Variants in CDK19 observed in about 807,000 individuals in gnomAD.
CDK19 encodes the protein cyclin-dependent kinase 19.
In CDK19, 20 loss-of-function variants were observed where a neutral mutation model predicts 68.3. That is an observed-to-expected ratio of 0.29 (90% CI 0.21 to 0.43). The LOEUF (loss-of-function observed/expected upper bound fraction) is 0.43. Among genes scored for constraint, CDK19 ranks in the 20% least tolerant of loss-of-function variants. The probability of loss-of-function intolerance (pLI) is 1.00; values close to 1 mark genes in which losing one functional copy is unlikely to be tolerated. For missense variants in CDK19, 339 were observed against 623.5 expected (o/e 0.54, Z 4.86); for synonymous variants, 221 against 222.8 (o/e 0.99, Z 0.07).
intron 4 of CDK19, among the ~76,000 whole-genome samples, chr6:110,639,130 G>A (rs1221390106): frequency 2.6e-5 from 4 of 152,090 alleles, no homozygotes; most frequent in East Asian, 3.8e-4. Context: ...CTAAACTACC[G>A]TAGAAAAACA....
At chr6:110,700,220 T>C (rs898030889) in intron 2 of CDK19, among the ~76,000 whole-genome samples, 1 of 152,154 alleles carries the variant, frequency 6.6e-6, no homozygotes, top group African/African-American at 2.4e-5. Context: ...AAGTTCAGAG[T>C]TCCCACTGAT....
chr6:110,628,670 A>G (rs1008289701), intron 6 of CDK19, among the ~76,000 whole-genome samples: 2 of 152,238 alleles, frequency 1.3e-5, no homozygotes, highest in Admixed American at 6.5e-5. Context: ...CCCAGCAGAT[A>G]AGTGGGGACT....
At chr6:110,643,615 A>C (rs1273555386) in intron 4 of CDK19, among the ~76,000 whole-genome samples, 1 of 152,240 alleles carries the variant, frequency 6.6e-6, no homozygotes. Context: ...ACAACAAAAA[A>C]GTTTTCAGGC....
intron 4 of CDK19, among the ~76,000 whole-genome samples, chr6:110,650,143 T>A (rs977805472): frequency 6.6e-6 from 1 of 152,186 alleles, no homozygotes; most frequent in Non-Finnish European, 1.5e-5. Flanking sequence ...TAAGACTATA[T>A]AGAACAGGAT....
chr6:110,730,152 C>G (rs1323548389), intron 2 of CDK19, among the ~76,000 whole-genome samples: 1 of 152,118 alleles, frequency 6.6e-6, no homozygotes, highest in Non-Finnish European at 1.5e-5. Flanking sequence ...TTATTATACT[C>G]CAATTGGAGA....
At chr6:110,748,074 A>T (rs1421283967) in intron 1 of CDK19, among the ~76,000 whole-genome samples, 1 of 152,172 alleles carries the variant, frequency 6.6e-6, no homozygotes, top group African/African-American at 2.4e-5. Context: ...TTTCTAAAAA[A>T]TTTTTCACAT....
At position 110,752,929 on chromosome 6, in the gene CDK19, ATTTG is replaced by A. The variant is rs199788629; in HGVS notation, c.129-6732_129-6729del. Reference sequence around the variant, plus strand: ...GGGTTTTTTTTGTTTTTGGTTTTTTATTTGTTTGTTTGTTTGTTTAGACAGAGCT... The same window carrying A: ...GGGTTTTTTTTGTTTTTGGTTTTTTATTTGTTTGTTTGTTTAGACAGAGCT... On this transcript the variant is annotated intron_variant, in intron 1 of 12. Transcript: ENST00000368911. 7.3e-5 allele frequency among the ~76,000 whole-genome samples: 11 copies of A among 151,268 alleles called. 1 individual carries two copies. The East Asian group carries it at 9.7e-4, about 13-fold the overall frequency.
At chr6:110,685,063 A>T (rs1772348306) in intron 2 of CDK19, among the ~76,000 whole-genome samples, 1 of 152,098 alleles carries the variant, frequency 6.6e-6, no homozygotes, top group Admixed American at 6.6e-5. Flanking sequence ...TCTTGAACCT[A>T]GGAGGCAGAG....
At chr6:110,662,341 T>G (rs572353525) in intron 4 of CDK19, among the ~76,000 whole-genome samples, 1 of 151,984 alleles carries the variant, frequency 6.6e-6, no homozygotes, top group South Asian at 2.1e-4. Flanking sequence ...CTTCATTCAA[T>G]AAAGACTTCG....
chr6:110,680,630 A>C (rs1771929767), intron 2 of CDK19, among the ~76,000 whole-genome samples: 1 of 152,236 alleles, frequency 6.6e-6, no homozygotes, highest in Non-Finnish European at 1.5e-5. Flanking sequence ...ATAGCCACAT[A>C]TTGTAGCCTC....
Position 110,650,187 on chromosome 6 carries a change from A to G in CDK19, c.457-11481T>C, listed in dbSNP as rs796596968. On this transcript the variant is annotated intron_variant, in intron 4 of 12. Coordinates refer to ENST00000368911, the MANE Select transcript of CDK19 (RefSeq NM_015076.5). ...ATAAAGCTTAAAACCAGACAAAGCT[A>G]AAGAATATACTGTTTAGACATTTAT... 3.3e-5 allele frequency among the ~76,000 whole-genome samples: 5 copies of G among 152,244 alleles called. No homozygotes were observed. The South Asian group carries it at 1.0e-3, about 31-fold the overall frequency.
intron 4 of CDK19, among the ~76,000 whole-genome samples, chr6:110,650,239 TAGAAGA>T (rs1780879119): frequency 6.6e-6 from 1 of 152,156 alleles, no homozygotes; most frequent in African/African-American, 2.4e-5. Context: ...TATCTTTAAG[TAGAAGA>T]AAGTAATAGA....
chr6:110,807,355 T>C (rs1389022271), intron 1 of CDK19, among the ~76,000 whole-genome samples: 1 of 152,156 alleles, frequency 6.6e-6, no homozygotes, highest in African/African-American at 2.4e-5. Context: ...CACATGCACA[T>C]ACCCCAAAAG....
chr6:110,737,080 A>T (rs190995713), intron 2 of CDK19, among the ~76,000 whole-genome samples: 2 of 152,346 alleles, frequency 1.3e-5, no homozygotes, highest in Admixed American at 1.3e-4. Context: ...TTCTTCAAAG[A>T]AGGAAAGCAT....
At chr6:110,713,124 G>C (rs1196941997) in intron 2 of CDK19, among the ~76,000 whole-genome samples, 12 of 151,154 alleles carry the variant, frequency 7.9e-5, no homozygotes, top group African/African-American at 2.4e-4. Context: ...TTGAACCAGG[G>C]AGTTGGAGGT....
At chr6:110,647,326 C>T (rs1159800430) in intron 4 of CDK19, among the ~76,000 whole-genome samples, 9 of 151,402 alleles carry the variant, frequency 5.9e-5, no homozygotes, top group Non-Finnish European at 1.2e-4. Flanking sequence ...TTAAGTAGAA[C>T]CAGCGAAACC....
chr6:110,760,163 A>C (rs1426783898), intron 1 of CDK19, among the ~76,000 whole-genome samples: 1 of 152,090 alleles, frequency 6.6e-6, no homozygotes, highest in African/African-American at 2.4e-5. Flanking sequence ...TGGGAGGCCG[A>C]GGCAGGCAGA....
intron 2 of CDK19, among the ~76,000 whole-genome samples, chr6:110,728,596 T>G (rs1047688124): frequency 2.6e-5 from 4 of 151,062 alleles, no homozygotes; most frequent in African/African-American, 9.7e-5. Context: ...CTAATTTGAC[T>G]GTGTCATTTC....
At chr6:110,703,729 A>G (rs1305773285) in intron 2 of CDK19, among the ~76,000 whole-genome samples, 1 of 152,092 alleles carries the variant, frequency 6.6e-6, no homozygotes, top group Non-Finnish European at 1.5e-5. Flanking sequence ...AGTCCCAGCA[A>G]CTCGGGAGGC....
Sources: gnomAD v4.1 joint callset for allele counts (sites outside exome capture counted in the v4.1 genomes callset) on GRCh38, gnomAD v4.1.1 for gene constraint, MANE v1.5 for transcripts, NCBI Gene and HGNC (gene_info 2026-07-23, HGNC 2026-07-21) for gene names.